Variants in DST observed in about 807,000 individuals in gnomAD.
The protein encoded by DST is dystonin, also known as bullous pemphigoid antigen.
In DST, 253 loss-of-function variants were observed where a neutral mutation model predicts 875.2. The observed-to-expected ratio is 0.29, with a 90% CI of 0.26 to 0.32. The LOEUF (loss-of-function observed/expected upper bound fraction) is 0.32. DST is among the 10% of genes least tolerant of loss of function. The pLI, the probability that DST is intolerant of heterozygous loss-of-function variation, is 1.00. For missense variants in DST, 8,287 were observed against 9,111.6 expected, an observed-to-expected ratio of 0.91 and a Z score of 3.68; for synonymous variants, 3,124 against 3,197.1, an observed-to-expected ratio of 0.98 and a Z score of 0.77.
chr6:56,465,390 G>A (rs1300249542), intron 99 of DST, among the ~76,000 whole-genome samples: 1 of 152,048 alleles, frequency 6.6e-6, no homozygotes, highest in Non-Finnish European at 1.5e-5. Flanking sequence ...AAGAAAAATG[G>A]GCCTACTGAG....
intron 61 of DST, among the ~76,000 whole-genome samples, chr6:56,546,378 A>ATATATATATC (rs2097225488): frequency 1.5e-5 from 2 of 136,014 alleles, no homozygotes; most frequent in Non-Finnish European, 3.2e-5. Context: ...ATATATATAT[A>ATATATATATC]TATATATATA....
At position 56,607,751 on chromosome 6, in the gene DST, G is replaced by C. The variant is rs1183508331; in HGVS notation, c.6877C>G (p.Pro2293Ala). The change falls in exon 40 of 104, where the codon CCT (proline) becomes GCT (alanine). Residue 2293 changes from proline (P) to alanine (A), a missense_variant. Physicochemically the swap from Pro to Ala is conservative, Grantham distance 27. This residue lies in a region of DST where 3,138 missense variants were observed against 3,116.6 expected (regional missense o/e 1.01). Transcript: ENST00000680361. ...HCGEPEHEETPENRKCAIDEE... is the reference protein window; with the variant it reads ...HCGEPEHEETAENRKCAIDEE... ...TCTATAGCACACTTTCTATTTTCAG[G>C]AGTCTCTTCATGTTCAGGTTCTCCA... The C allele has an allele frequency of 1.2e-6, 2 of 1,613,172 alleles. No individual in the cohort carries two copies. The highest frequency in any genetic ancestry group is 1.1e-5 in the South Asian group (1 of 91,044).
chr6:56,606,668 G>A lies in DST; in HGVS notation c.7960C>T (p.Pro2654Ser), dbSNP rs2098501106. The change falls in exon 40 of 104, where the codon CCT becomes TCT. Residue 2654 changes from proline to serine, a missense_variant. Physicochemically the swap from Pro to Ser is moderately conservative, Grantham distance 74 (BLOSUM62 -1). Coordinates refer to ENST00000680361, the MANE Select transcript of DST (RefSeq NM_001374736.1). The part of the protein sequence containing the change: ...LQEENDETAS[P>S]ADVFYDVSKE... Reference sequence around the variant, plus strand: ...GAGACATCATAAAAAACATCAGCAGGAGAAGCCGTCTCATCATTTTCCTCT... The same window carrying A: ...GAGACATCATAAAAAACATCAGCAGAAGAAGCCGTCTCATCATTTTCCTCT... The A allele has an allele frequency of 6.2e-7, 1 of 1,613,630 alleles. No homozygotes were observed. The highest frequency in any genetic ancestry group is 2.2e-5 in the East Asian group (1 of 44,874).
intron 4 of DST, among the ~76,000 whole-genome samples, chr6:56,744,304 G>A (rs756156011): frequency 5.9e-5 from 9 of 151,874 alleles, no homozygotes; most frequent in Non-Finnish European, 1.3e-4. Context: ...TTAAGGCAGG[G>A]ATGAGATTTC....
At chr6:56,539,407 G>A (rs2097080922) in intron 61 of DST, among the ~76,000 whole-genome samples, 1 of 152,102 alleles carries the variant, frequency 6.6e-6, no homozygotes, top group African/African-American at 2.4e-5. Context: ...TAAGAAAAAG[G>A]CATAACTAAC....
At chr6:56,858,661 A>G (rs1036965883) in intron 3 of DST, among the ~76,000 whole-genome samples, 1 of 152,158 alleles carries the variant, frequency 6.6e-6, no homozygotes, top group Non-Finnish European at 1.5e-5. Context: ...GAGTGCAGAT[A>G]CCTCTTCAAC....
At chr6:56,770,676 C>T (rs111749050) in intron 4 of DST, among the ~76,000 whole-genome samples, 2,839 of 152,220 alleles carry the variant, frequency 0.019, 77 homozygotes, top group African/African-American at 0.064. Flanking sequence ...TAAAATGGGA[C>T]TCTTACAGTA....
rs971906698 is a variant in DST at position 56,500,954 on chromosome 6, G to A, written c.19896+126C>T. ...AAGTAGTTAACCTTTAGTTATAAATGTCAAATATGAACTTGTGTCAAAATC... is the reference window on the plus strand; with the variant it reads ...AAGTAGTTAACCTTTAGTTATAAATATCAAATATGAACTTGTGTCAAAATC... On this transcript the variant is annotated intron_variant, in intron 80 of 103. Transcript: ENST00000680361. The A allele has an allele frequency of 4.6e-6, 4 of 870,194 alleles. No individual in the cohort carries two copies. The African/African-American group carries it at 7.0e-5, about 15-fold the overall frequency. The allele number at this position is 870,194 out of a possible 1,614,324, so 53.9% of individuals were successfully genotyped here. A position where few individuals can be genotyped will look rare whatever the true frequency, so the allele number is the denominator to read the frequency against.
At chr6:56,868,263 G>A (rs530610992) in intron 3 of DST, among the ~76,000 whole-genome samples, 50 of 152,238 alleles carry the variant, frequency 3.3e-4, no homozygotes, top group Non-Finnish European at 5.1e-4. Context: ...GTTTCCAATC[G>A]TGGTTCTGAT....
intron 4 of DST, among the ~76,000 whole-genome samples, chr6:56,740,254 G>C (rs546433967): frequency 1.3e-5 from 2 of 152,172 alleles, no homozygotes; most frequent in Admixed American, 6.5e-5. Flanking sequence ...CCTCTCTTGG[G>C]GTTTGAATCT....
intron 2 of DST, among the ~76,000 whole-genome samples, chr6:56,924,456 G>A (rs1368286104): frequency 6.6e-6 from 1 of 152,164 alleles, no homozygotes; most frequent in Admixed American, 6.5e-5. Context: ...TTATCTGTAT[G>A]TATATACATA....
At chr6:56,707,936 G>A (rs1317121177) in intron 5 of DST, among the ~76,000 whole-genome samples, 3 of 152,196 alleles carry the variant, frequency 2.0e-5, no homozygotes, top group Non-Finnish European at 2.9e-5. Context: ...TTGGGAGGCC[G>A]AGGTGGGTGG....
rs757428058 is a variant in DST, at chr6:56,618,603, G to A, written c.4930-4119C>T. ...TGCTGCCCTTGCTGCATTTGTTCAC[G>A]ATACTGTTGAAGCTGTCTTTCAAGT... On this transcript the variant is annotated intron_variant, in intron 36 of 103. Coordinates refer to ENST00000680361, the MANE Select transcript of DST (RefSeq NM_001374736.1). 3.5e-5 allele frequency: 56 copies of A among 1,613,996 alleles called. No homozygotes were observed. Among genetic ancestry groups the A allele is most frequent in the Admixed American group, 5.0e-5 (3 of 59,998 alleles).
intron 4 of DST, among the ~76,000 whole-genome samples, chr6:56,810,576 G>C (rs2099758658): frequency 6.6e-6 from 1 of 151,988 alleles, no homozygotes; most frequent in South Asian, 2.1e-4. Flanking sequence ...ATCCTCTTCT[G>C]AAATATGTGG....
At chr6:56,533,922 A>ATTTTTTG (rs1048792597) in intron 63 of DST, among the ~76,000 whole-genome samples, 39 of 151,860 alleles carry the variant, frequency 2.6e-4, no homozygotes, top group Non-Finnish European at 3.4e-4. Flanking sequence ...TAAATGTGGA[A>ATTTTTTG]TTTTTTGTTT....
chr6:56,464,847 G>A, intron 99 of DST, 91 bp from the exon 100 acceptor site: 1 of 941,558 alleles, frequency 1.1e-6, no homozygotes, highest in Non-Finnish European at 1.7e-6. Flanking sequence ...TGCAAAGGGT[G>A]CTCACATCTG....
At chr6:56,485,214 A>C (rs2095522717) in intron 88 of DST, 98 bp downstream of exon 88, 1 of 1,334,680 alleles carries the variant, frequency 7.5e-7, no homozygotes, top group Admixed American at 1.7e-5. Flanking sequence ...TATGATCTAT[A>C]GTCTTCTGAT....
intron 2 of DST, among the ~76,000 whole-genome samples, chr6:56,939,723 T>C (rs1815300054): frequency 6.6e-6 from 1 of 152,008 alleles, no homozygotes. Flanking sequence ...ACTCTTCCAA[T>C]AAAAATTATA....
chr6:56,679,082 C>T (rs1462697769), intron 9 of DST, among the ~76,000 whole-genome samples: 2 of 152,014 alleles, frequency 1.3e-5, no homozygotes, highest in Non-Finnish European at 2.9e-5. Context: ...GCATCCATTC[C>T]AGCTAACTTA....
Sources: allele counts gnomAD v4.1 joint callset (sites outside exome capture counted in the v4.1 genomes callset), GRCh38; gene constraint gnomAD v4.1.1; regional missense constraint gnomAD v4.1.1; transcripts MANE v1.5; gene names NCBI Gene and HGNC (gene_info 2026-07-23, HGNC 2026-07-21).